The following LUZP2 variants were observed in gnomAD, a reference collection of about 807,000 sequenced individuals.
The protein encoded by LUZP2 is leucine zipper protein 2.
A neutral mutation model predicts 51.6 loss-of-function variants in LUZP2; 52 were observed. The observed-to-expected ratio is 1.01, with a 90% CI of 0.81 to 1.27. The LOEUF (loss-of-function observed/expected upper bound fraction) is 1.27. Among genes scored for constraint, LUZP2 ranks in the 50% most tolerant of loss-of-function variants. The probability of loss-of-function intolerance (pLI) is 0.00; values close to 1 mark genes in which losing one functional copy is unlikely to be tolerated. For synonymous variants in LUZP2, 154 were observed against 137.3 expected, an observed-to-expected ratio of 1.12 and a Z score of -0.85; for missense variants, 436 against 395.4, an observed-to-expected ratio of 1.10 and a Z score of -0.87.
At chr11:24,797,090 A>T (rs1297649513) in intron 5 of LUZP2, among the ~76,000 whole-genome samples, 3 of 152,200 alleles carry the variant, frequency 2.0e-5, no homozygotes, top group Non-Finnish European at 4.4e-5. Context: ...AATAACAGGG[A>T]GAAAGTAAGA....
At chr11:24,595,705 G>C (rs1853420205) in intron 1 of LUZP2, among the ~76,000 whole-genome samples, 2 of 152,154 alleles carry the variant, frequency 1.3e-5, no homozygotes, top group South Asian at 4.1e-4. Flanking sequence ...GAACATTCCA[G>C]AGACTTCTGC....
In LUZP2 at chr11:24,963,598, CG is replaced by C. The variant is rs1179028101; in HGVS notation, c.523-12992del. On this transcript the variant is annotated intron_variant, in intron 7 of 11. Coordinates refer to ENST00000336930, the MANE Select transcript of LUZP2 (RefSeq NM_001009909.4). ...TGCGGGATATAATCTCCTGGTGCGC[CG>C]TTTTTTAAGCCCGTCAGAAAGGCGC... Among the ~76,000 whole-genome samples the C allele has an allele frequency of 1.7e-4, 21 of 125,626 alleles. No homozygotes were observed. In the South Asian group the frequency reaches 5.0e-3, roughly 30 times the overall value. The allele number at this position is 125,626 out of a possible 152,430, so 82.4% of individuals were successfully genotyped here.
intron 10 of LUZP2, among the ~76,000 whole-genome samples, chr11:25,058,222 A>G (rs1234380907): frequency 1.3e-5 from 2 of 152,020 alleles, no homozygotes; most frequent in Non-Finnish European, 2.9e-5. Flanking sequence ...GTAGATTCCA[A>G]TGGTCTTTGG....
chr11:24,654,503 C>G (rs984952599), intron 1 of LUZP2, among the ~76,000 whole-genome samples: 3 of 152,056 alleles, frequency 2.0e-5, no homozygotes, highest in African/African-American at 4.8e-5. Flanking sequence ...GCAACTTCCA[C>G]CCCTGGGCTC....
At chr11:24,674,281 C>CT (rs1179293642) in intron 1 of LUZP2, among the ~76,000 whole-genome samples, 1 of 152,180 alleles carries the variant, frequency 6.6e-6, no homozygotes. Context: ...CCCTTTGCCA[C>CT]TTTCAGGAGA....
chr11:25,008,916 C>G (rs1044814974), intron 9 of LUZP2, among the ~76,000 whole-genome samples: 1 of 152,180 alleles, frequency 6.6e-6, no homozygotes, highest in African/African-American at 2.4e-5. Context: ...GAAGTTCTCA[C>G]TCTGGTAGTA....
At chr11:24,517,956 G>T (rs1054146702) in intron 1 of LUZP2, among the ~76,000 whole-genome samples, 2 of 151,982 alleles carry the variant, frequency 1.3e-5, no homozygotes, top group Admixed American at 6.5e-5. Flanking sequence ...TTTTTAAAAT[G>T]ACATATTCCA....
intron 5 of LUZP2, among the ~76,000 whole-genome samples, chr11:24,849,814 C>A (rs1358830075): frequency 6.6e-6 from 1 of 152,126 alleles, no homozygotes; most frequent in African/African-American, 2.4e-5. Flanking sequence ...TAATGACTGC[C>A]ATTTTAACTG....
intron 5 of LUZP2, among the ~76,000 whole-genome samples, chr11:24,829,348 C>T (rs962534896): frequency 7.9e-5 from 12 of 152,008 alleles, no homozygotes; most frequent in African/African-American, 2.7e-4. Flanking sequence ...GAAAAGTGTG[C>T]GTGCATGTAC....
At chr11:24,660,377 C>CTA (rs1170980310) in intron 1 of LUZP2, among the ~76,000 whole-genome samples, 2 of 152,102 alleles carry the variant, frequency 1.3e-5, no homozygotes, top group East Asian at 3.9e-4. Context: ...TCTGCTACAA[C>CTA]TATAATGTGA....
In LUZP2 at chr11:24,899,575, A is replaced by G. The variant is rs115297015; in HGVS notation, c.397-6416A>G. On this transcript the variant is annotated intron_variant, in intron 5 of 11. Transcript: ENST00000336930. ...AATTATTTAAAAATGCACTTTATAT[A>G]CAAAGTCTCAAGAAAGATGAAAGTA... 5.7e-3 allele frequency among the ~76,000 whole-genome samples: 865 copies of G among 152,232 alleles called. 13 individuals carry two copies. The highest frequency in any genetic ancestry group is 0.019 in the African/African-American group (808 of 41,558).
intron 4 of LUZP2, among the ~76,000 whole-genome samples, chr11:24,748,805 T>C (rs1341171970): frequency 1.3e-5 from 2 of 152,180 alleles, no homozygotes; most frequent in African/African-American, 2.4e-5. Flanking sequence ...TATTTATGTA[T>C]GTAGGTATCT....
At chr11:24,763,440 G>A (rs1264546544) in intron 5 of LUZP2, 132 bp downstream of exon 5, 4 of 383,862 alleles carry the variant, frequency 1.0e-5, no homozygotes, top group Non-Finnish European at 1.9e-5. Context: ...CTAATGTAGA[G>A]AAATTGTAAG....
chr11:24,698,752 A>G (rs1857327991), intron 1 of LUZP2, among the ~76,000 whole-genome samples: 1 of 152,030 alleles, frequency 6.6e-6, no homozygotes, highest in Non-Finnish European at 1.5e-5. Flanking sequence ...CCTCAACATC[A>G]TCTCATCCCT....
intron 7 of LUZP2, among the ~76,000 whole-genome samples, chr11:24,971,614 T>A (rs1290002213): frequency 1.3e-5 from 2 of 152,102 alleles, no homozygotes; most frequent in Non-Finnish European, 2.9e-5. Flanking sequence ...TCTGCACACG[T>A]ACGCCCTGTA....
chr11:24,794,675 G>A (rs1849502312), intron 5 of LUZP2, among the ~76,000 whole-genome samples: 1 of 152,026 alleles, frequency 6.6e-6, no homozygotes, highest in African/African-American at 2.4e-5. Context: ...AATGAAAGGT[G>A]TTCTTTTGCT....
intron 7 of LUZP2, among the ~76,000 whole-genome samples, chr11:24,961,205 GA>G (rs1855388984): frequency 6.6e-6 from 1 of 152,128 alleles, no homozygotes; most frequent in South Asian, 2.1e-4. Context: ...GTGTGGTGCT[GA>G]AAAAAATGTA....
At position 24,602,151 on chromosome 11, in the gene LUZP2, T is replaced by TAC. The variant is rs1491157488; in HGVS notation, c.62+104847_62+104848insCA. Among the ~76,000 whole-genome samples, 20 of 126,020 alleles carry TAC rather than the reference T, an allele frequency of 1.6e-4. 1 individual carries two copies. Among genetic ancestry groups the TAC allele is most frequent in the African/African-American group, 5.1e-4 (16 of 31,112 alleles). The allele number at this position is 126,020 out of a possible 152,430, so 82.7% of individuals were successfully genotyped here. ...GTATATGTGTATATATGTATATATG[T>TAC]ATATATGTATATATGTGTATATATA... On this transcript the variant is annotated intron_variant, in intron 1 of 11. Transcript: ENST00000336930.
chr11:24,950,837 G>C (rs1240551514), intron 7 of LUZP2, among the ~76,000 whole-genome samples: 1 of 151,418 alleles, frequency 6.6e-6, no homozygotes, highest in African/African-American at 2.4e-5. Context: ...TGAGGAATTA[G>C]GTTAATTATC....
Sources: allele counts gnomAD v4.1 joint callset (sites outside exome capture counted in the v4.1 genomes callset), GRCh38; gene constraint gnomAD v4.1.1; transcripts MANE v1.5; gene names NCBI Gene and HGNC (gene_info 2026-07-23, HGNC 2026-07-21).